Variants in ABLIM3 observed in about 807,000 individuals in gnomAD.
ABLIM3 encodes the protein actin binding LIM protein family member 3, also known as actin-binding LIM protein 3.
Under a neutral mutation model 109.5 loss-of-function variants are expected in ABLIM3, and 61 were observed. That is an observed-to-expected ratio of 0.56 (90% CI 0.45 to 0.69). ABLIM3 has a LOEUF of 0.69. ABLIM3 is among the 30% of genes least tolerant of loss of function. The probability of loss-of-function intolerance (pLI) is 0.00; values close to 1 mark genes in which losing one functional copy is unlikely to be tolerated. For synonymous variants in ABLIM3, 300 were observed against 324.8 expected (o/e 0.92, Z 0.82); for missense variants, 796 against 889.5 (o/e 0.89, Z 1.34).
chr5:149,259,162 G>A lies in ABLIM3; in HGVS notation c.*758G>A. On this transcript the variant is annotated 3_prime_UTR_variant, in exon 24 of 24. Transcript: ENST00000309868. The stretch of plus-strand genomic sequence containing the variant: ...ACTTGGAGAACCAGAGGAAAAGAGA[G>A]GGAGCGGAAGTGGGAGATGGAGCAG... 1 of 1,028,104 alleles carries A rather than the reference G, an allele frequency of 9.7e-7. No individual in the cohort carries two copies. Among genetic ancestry groups the A allele is most frequent in the Non-Finnish European group, 1.2e-6 (1 of 857,676 alleles). 63.7% of individuals were successfully genotyped at this position (1,028,104 alleles called of 1,614,324 possible).
intron 3 of ABLIM3, among the ~76,000 whole-genome samples, chr5:149,191,069 A>G (rs1159427057): frequency 6.6e-6 from 1 of 152,202 alleles, no homozygotes; most frequent in East Asian, 1.9e-4. Context: ...GAATCCAAGT[A>G]AAATAGAAGG....
chr5:149,207,159 G>C (rs1759070766), intron 6 of ABLIM3, 25 bp downstream of exon 6: 3 of 1,608,016 alleles, frequency 1.9e-6, no homozygotes, highest in South Asian at 2.2e-5. Context: ...TCCTGCCCCA[G>C]CTGCCTGGGC....
intron 5 of ABLIM3, 135 bp downstream of exon 5, chr5:149,200,563 A>C: frequency 1.3e-6 from 1 of 792,788 alleles, no homozygotes; most frequent in Non-Finnish European, 2.1e-6. Flanking sequence ...CTCCTGCATC[A>C]TGACCCCATT....
intron 3 of ABLIM3, among the ~76,000 whole-genome samples, chr5:149,190,004 A>G (rs1242533933): frequency 1.3e-5 from 2 of 152,266 alleles, no homozygotes; most frequent in Non-Finnish European, 2.9e-5. Context: ...AATGTGATCT[A>G]TCTCCACAGA....
intron 3 of ABLIM3, among the ~76,000 whole-genome samples, chr5:149,188,487 A>G (rs1222136035): frequency 6.6e-6 from 1 of 152,256 alleles, no homozygotes; most frequent in Non-Finnish European, 1.5e-5. Flanking sequence ...CAAAATGTTA[A>G]ACAAGGCCTA....
At chr5:149,195,455 C>T (rs935098648) in intron 3 of ABLIM3, among the ~76,000 whole-genome samples, 8 of 152,194 alleles carry the variant, frequency 5.3e-5, no homozygotes, top group Non-Finnish European at 1.2e-4. Flanking sequence ...TTTCCAGGAA[C>T]CCCTGAGAGG....
In ABLIM3 at chr5:149,233,277, G is replaced by A; in HGVS notation, c.865G>A (p.Gly289Arg). The A allele has an allele frequency of 6.2e-7, 1 of 1,614,080 alleles. No homozygotes were observed. The highest frequency in any genetic ancestry group is 1.1e-5 in the South Asian group (1 of 91,076). ...CATCTCACCCCCTGGATCCAGCATT[G>A]GGTCACCCAACCGAGTCATCTGCGT... is the stretch of plus-strand genomic sequence containing the variant. ...TSISPPGSSI[G>R]SPNRVICAKV... Residue 289 changes from glycine to arginine, a missense_variant, in exon 10 of 24, where the codon GGG (glycine) becomes AGG (arginine). By Grantham distance (125) the Gly-to-Arg change is moderately radical (BLOSUM62 -2). Coordinates refer to ENST00000309868, the MANE Select transcript of ABLIM3 (RefSeq NM_014945.5).
intron 2 of ABLIM3, among the ~76,000 whole-genome samples, chr5:149,157,761 C>A (rs1399233381): frequency 6.6e-6 from 1 of 152,012 alleles, no homozygotes; most frequent in East Asian, 1.9e-4. Context: ...AAGAAGCCAT[C>A]TGCAAAATAA....
chr5:149,240,005 C>T (rs1486454841), intron 13 of ABLIM3, 117 bp downstream of exon 13: 3 of 1,398,140 alleles, frequency 2.1e-6, no homozygotes, highest in Non-Finnish European at 2.8e-6. Context: ...CAGTGTGGCC[C>T]TCTGGAGGCC....
chr5:149,230,693 GAGA>G lies in ABLIM3; in HGVS notation c.808_810del (p.Lys270del). 1 of 1,614,070 alleles carries G rather than the reference GAGA, an allele frequency of 6.2e-7. No individual in the cohort carries two copies. The highest frequency in any genetic ancestry group is 8.5e-7 in the Non-Finnish European group (1 of 1,179,966). Reference sequence around the variant, plus strand: ...CATCTGCAAACAGGCAGCCCGGGCAGAGAAGAAGTTAAAGGTAAGCAAGCTAGT... The same window carrying G: ...CATCTGCAAACAGGCAGCCCGGGCAGAGAAGTTAAAGGTAAGCAAGCTAGT... On this transcript the variant is annotated inframe_deletion, in exon 9 of 24. Transcript: ENST00000309868.
chr5:149,220,378 A>G (rs144042557), intron 8 of ABLIM3: 21 of 152,368 alleles, frequency 1.4e-4, no homozygotes, highest in Non-Finnish European at 2.6e-4. Flanking sequence ...GGTGGGAGAT[A>G]TTCTTAGTAA....
rs59137131 is a variant in ABLIM3, at chr5:149,241,294, T to A, written c.1303+520T>A. 1.4e-3 allele frequency among the ~76,000 whole-genome samples: 217 copies of A among 152,290 alleles called. 1 individual carries two copies. The highest frequency in any genetic ancestry group is 4.8e-3 in the African/African-American group (198 of 41,562). On this transcript the variant is annotated intron_variant, in intron 14 of 23. Coordinates refer to ENST00000309868, the MANE Select transcript of ABLIM3 (RefSeq NM_014945.5). The stretch of plus-strand genomic sequence containing the variant: ...GGTATTTGGTATTTACGTACTAATG[T>A]AGGAAGAGAGATAAAAATGAGTAAA...
intron 3 of ABLIM3, among the ~76,000 whole-genome samples, chr5:149,195,927 C>T (rs1168191430): frequency 1.3e-5 from 2 of 152,166 alleles, no homozygotes; most frequent in African/African-American, 2.4e-5. Flanking sequence ...AATGTTTAGG[C>T]GTATAGTAAG....
At chr5:149,191,053 C>G (rs1196709057) in intron 3 of ABLIM3, among the ~76,000 whole-genome samples, 3 of 151,912 alleles carry the variant, frequency 2.0e-5, no homozygotes, top group African/African-American at 7.3e-5. Flanking sequence ...GTTTGAAGAG[C>G]AGAATGAATC....
chr5:149,258,332 G>C lies in ABLIM3; in HGVS notation c.1980G>C (p.Met660Ile), dbSNP rs1025314130. Residue 660 changes from methionine to isoleucine, a missense_variant, in exon 24 of 24, where the codon ATG (methionine) becomes ATC (isoleucine). Met to Ile is a conservative substitution (Grantham distance 10, BLOSUM62 1). Transcript: ENST00000309868. Reference sequence around the variant, plus strand: ...AAGAGTTCTACCAAGTCTTTGGCATGACCATCTCTGAGTTTGACCGGCTGG... The same window carrying C: ...AAGAGTTCTACCAAGTCTTTGGCATCACCATCTCTGAGTTTGACCGGCTGG... Reference protein sequence around the residue: ...SQEEFYQVFGMTISEFDRLAL... With the variant: ...SQEEFYQVFGITISEFDRLAL... The C allele has an allele frequency of 6.2e-7, 1 of 1,613,508 alleles. No homozygotes were observed. The highest frequency in any genetic ancestry group is 8.5e-7 in the Non-Finnish European group (1 of 1,179,924).
intron 3 of ABLIM3, among the ~76,000 whole-genome samples, chr5:149,194,301 G>C (rs1757758634): frequency 3.3e-5 from 5 of 152,010 alleles, no homozygotes; most frequent in Admixed American, 1.3e-4. Flanking sequence ...TTAACCATTA[G>C]GGAAATGAAA....
chr5:149,216,930 C>T (rs1760148272), intron 7 of ABLIM3, 29 bp from the exon 8 acceptor site: 3 of 1,601,964 alleles, frequency 1.9e-6, no homozygotes, highest in African/African-American at 2.7e-5. Context: ...CTGGCTCTGA[C>T]CTCCTGTTTC....
At position 149,254,333 on chromosome 5, in the gene ABLIM3, T is replaced by C. The variant is rs531115151; in HGVS notation, c.1938+1496T>C. Among the ~76,000 whole-genome samples, 3 of 152,228 alleles carry C rather than the reference T, an allele frequency of 2.0e-5. No homozygotes were observed. In the East Asian group the frequency reaches 5.8e-4, roughly 29 times the overall value. On this transcript the variant is annotated intron_variant, in intron 23 of 23. Coordinates refer to ENST00000309868, the MANE Select transcript of ABLIM3 (RefSeq NM_014945.5). The stretch of plus-strand genomic sequence containing the variant: ...CCTCCAGCTTTCTATCCAAAGTACA[T>C]CAAGCACCTTTCACTCTCCTGTGTA...
chr5:149,217,465 T>C (rs537563530), intron 8 of ABLIM3: 1 of 177,692 alleles, frequency 5.6e-6, no homozygotes, highest in Admixed American at 5.8e-5. Flanking sequence ...CAGAGCATCA[T>C]GCCAGGCTGC....
Sources: gnomAD v4.1 joint callset for allele counts (sites outside exome capture counted in the v4.1 genomes callset) on GRCh38, gnomAD v4.1.1 for gene constraint, MANE v1.5 for transcripts, NCBI Gene and HGNC (gene_info 2026-07-23, HGNC 2026-07-21) for gene names.